Variants in SQOR observed in about 807,000 individuals in gnomAD.
SQOR encodes the protein sulfide quinone oxidoreductase, also known as sulfide:quinone oxidoreductase, mitochondrial.
A neutral mutation model predicts 48.6 loss-of-function variants in SQOR; 39 were observed. The ratio of observed to expected loss-of-function variants is 0.80; its 90% CI spans 0.62 to 1.05. The LOEUF is 1.05. Ranked by LOEUF, SQOR falls within the 50% of genes least tolerant of loss-of-function variation. The probability of loss-of-function intolerance (pLI) is 0.00; values close to 1 mark genes in which losing one functional copy is unlikely to be tolerated. For synonymous variants in SQOR, 220 were observed against 206.2 expected, an observed-to-expected ratio of 1.07 and a Z score of -0.57; for missense variants, 561 against 559.9, an observed-to-expected ratio of 1.00 and a Z score of -0.02.
chr15:45,648,606 A>C (rs1414723458), intron 1 of SQOR, among the ~76,000 whole-genome samples: 1 of 152,242 alleles, frequency 6.6e-6, no homozygotes, highest in Non-Finnish European at 1.5e-5. Flanking sequence ...AGAAAGCCCA[A>C]GTGGGAGGAT....
At chr15:45,651,794 G>C (rs1351642703) in intron 1 of SQOR, among the ~76,000 whole-genome samples, 1 of 151,798 alleles carries the variant, frequency 6.6e-6, no homozygotes, top group Non-Finnish European at 1.5e-5. Context: ...ATTTCATCTT[G>C]TAAGAATGTA....
chr15:45,643,472 G>C (rs1236021092), intron 1 of SQOR, among the ~76,000 whole-genome samples: 1 of 152,188 alleles, frequency 6.6e-6, no homozygotes, highest in African/African-American at 2.4e-5. Flanking sequence ...TGGGATTACA[G>C]GCGTGAGCCA....
chr15:45,652,638 C>CTTTTTTT lies in SQOR; in HGVS notation c.-17-6249_-17-6243dup, dbSNP rs757986564. Among the ~76,000 whole-genome samples, 7 of 60,302 alleles carry CTTTTTTT rather than the reference C, an allele frequency of 1.2e-4. 1 individual carries two copies. The highest frequency in any genetic ancestry group is 2.2e-4 in the African/African-American group (3 of 13,338). The allele number at this position is 60,302 out of a possible 152,430, so 39.6% of individuals were successfully genotyped here. ...TTTTGGTATTACAGGCGTGAGCCTC[C>CTTTTTTT]TTTTTTTTTTTTTTTTTTTTTTTTT... On this transcript the variant is annotated intron_variant, in intron 1 of 9. Transcript: ENST00000260324.
At chr15:45,677,958 C>T (rs565275141) in intron 6 of SQOR, among the ~76,000 whole-genome samples, 175 of 152,270 alleles carry the variant, frequency 1.1e-3, no homozygotes, top group Non-Finnish European at 2.0e-3. Context: ...TCCACCTGCT[C>T]GGCCTCCTGA....
At chr15:45,642,246 C>T (rs1190104156) in intron 1 of SQOR, among the ~76,000 whole-genome samples, 2 of 152,182 alleles carry the variant, frequency 1.3e-5, no homozygotes, top group African/African-American at 4.8e-5. Context: ...CAGGGCTGAG[C>T]AGGTAACAAA....
intron 3 of SQOR, among the ~76,000 whole-genome samples, chr15:45,666,731 C>T (rs1889824445): frequency 7.5e-6 from 1 of 133,970 alleles, no homozygotes; most frequent in Non-Finnish European, 1.6e-5. Flanking sequence ...TTTCCTCTCC[C>T]CTCCCCTTCC....
rs778695177 is a variant in SQOR, at chr15:45,688,320, T to C, written c.1049-17T>C. On this transcript the variant is annotated splice_polypyrimidine_tract_variant and intron_variant, in intron 7 of 9. Transcript: ENST00000260324. ...CTTGATGCTTACATTTTTCTGACTT[T>C]CCCATTTCTCTTATAGCTGCCCAGT... 2 of 1,577,162 alleles carry C rather than the reference T, an allele frequency of 1.3e-6. No homozygotes were observed. The highest frequency in any genetic ancestry group is 1.7e-6 in the Non-Finnish European group (2 of 1,163,760).
At chr15:45,682,267 C>T (rs1219959309) in intron 6 of SQOR, among the ~76,000 whole-genome samples, 2 of 152,178 alleles carry the variant, frequency 1.3e-5, no homozygotes, top group African/African-American at 2.4e-5. Context: ...GGGGAGATCA[C>T]GTCAACTGAG....
chr15:45,640,706 G>A (rs1895091226), intron 1 of SQOR, among the ~76,000 whole-genome samples: 1 of 152,204 alleles, frequency 6.6e-6, no homozygotes, highest in East Asian at 1.9e-4. Context: ...GTGAGACTCT[G>A]AGTGGAAATC....
intron 9 of SQOR, 137 bp from the exon 10 acceptor site, chr15:45,690,836 A>G: frequency 2.6e-6 from 2 of 776,224 alleles, no homozygotes; most frequent in South Asian, 3.0e-5. Flanking sequence ...GGATCTCTCC[A>G]ACTCACTAGA....
chr15:45,680,902 A>G (rs1890115690), intron 6 of SQOR, among the ~76,000 whole-genome samples: 1 of 151,908 alleles, frequency 6.6e-6, no homozygotes, highest in South Asian at 2.1e-4. Flanking sequence ...TAAGGTTTAG[A>G]CCTCAGTTCA....
In SQOR at chr15:45,678,076, C is replaced by G. The variant is rs555794406; in HGVS notation, c.864+1766C>G. On this transcript the variant is annotated intron_variant, in intron 6 of 9. Transcript: ENST00000260324. The stretch of plus-strand genomic sequence containing the variant: ...CATTCTAAGGTATCACATTTGCAAG[C>G]ATACAGTGTTCATCTGCCCTTCATT... Among the ~76,000 whole-genome samples, 32 of 152,282 alleles carry G rather than the reference C, an allele frequency of 2.1e-4. No homozygotes were observed. The South Asian group carries it at 6.0e-3, about 29-fold the overall frequency.
chr15:45,680,080 TTTTTTTC>T (rs1337309294), intron 6 of SQOR, among the ~76,000 whole-genome samples: 1 of 151,984 alleles, frequency 6.6e-6, no homozygotes, highest in East Asian at 1.9e-4. Flanking sequence ...TGTTTGTTTG[TTTTTTTC>T]TTTCTTTCTT....
rs982282808 is a variant in SQOR, at chr15:45,639,694, C to T, written c.-18+4586C>T. Among the ~76,000 whole-genome samples, 10 of 152,316 alleles carry T rather than the reference C, an allele frequency of 6.6e-5. No individual in the cohort carries two copies. In the East Asian group the frequency reaches 1.9e-3, roughly 29 times the overall value. On this transcript the variant is annotated intron_variant, in intron 1 of 9. Coordinates refer to ENST00000260324, the MANE Select transcript of SQOR (RefSeq NM_021199.4). ...GGAAAATGATGTGTTTTAACAACCA[C>T]CATGTTTGGAGTATAGATTGTGAGA... is the stretch of plus-strand genomic sequence containing the variant.
At chr15:45,679,636 G>C (rs1890091924) in intron 6 of SQOR, among the ~76,000 whole-genome samples, 1 of 152,168 alleles carries the variant, frequency 6.6e-6, no homozygotes, top group Admixed American at 6.5e-5. Flanking sequence ...GGAGGCGGAG[G>C]AACTAGAAGA....
At position 45,690,844 on chromosome 15, in the gene SQOR, A is replaced by T. The variant is rs1890310296; in HGVS notation, c.1296-129A>T. On this transcript the variant is annotated intron_variant, in intron 9 of 9. Transcript: ENST00000260324. ...AGTCATGGGATCTCTCCAACTCACTAGACAATCTTGCTTTACGTGCTGATG... is the reference window on the plus strand; with the variant it reads ...AGTCATGGGATCTCTCCAACTCACTTGACAATCTTGCTTTACGTGCTGATG... 4 of 804,302 alleles carry T rather than the reference A, an allele frequency of 5.0e-6. No homozygotes were observed. The South Asian group carries it at 5.8e-5, about 12-fold the overall frequency. 49.8% of individuals were successfully genotyped at this position (804,302 alleles called of 1,614,324 possible).
In SQOR at chr15:45,682,363, A is replaced by G. The variant is rs1208974248; in HGVS notation, c.865-115A>G. On this transcript the variant is annotated intron_variant, in intron 6 of 9. Transcript: ENST00000260324. ...GTGGACTGGTACAAGTGCTGATTGT[A>G]TAATGCTCCATGCAGCCATAGCACA... The G allele has an allele frequency of 1.5e-5, 16 of 1,086,650 alleles. No individual in the cohort carries two copies. In the South Asian group the frequency reaches 1.7e-4, roughly 11 times the overall value. 67.3% of individuals were successfully genotyped at this position (1,086,650 alleles called of 1,614,324 possible). A position where few individuals can be genotyped will look rare whatever the true frequency, so the allele number is the denominator to read the frequency against.
At chr15:45,689,410 T>G in intron 9 of SQOR, 193 bp downstream of exon 9, 1 of 436,496 alleles carries the variant, frequency 2.3e-6, no homozygotes, top group Non-Finnish European at 4.0e-6. Context: ...TATCATCTGC[T>G]ACCTTACTTT....
Position 45,676,232 on chromosome 15 carries a change from C to A in SQOR, c.786C>A (p.Asn262Lys). Residue 262 changes from asparagine (N) to lysine (K), a missense_variant, in exon 6 of 10, where the codon AAC becomes AAA. By Grantham distance (94) the Asn-to-Lys change is moderately conservative. Transcript: ENST00000260324. The stretch of plus-strand genomic sequence containing the variant: ...ACCTCACTGTTAACTACAAGAAAAA[C>A]CTCATTGAAGTCCGAGCCGATAAAC... ...ERNLTVNYKKNLIEVRADKQE... is the reference protein window; with the variant it reads ...ERNLTVNYKKKLIEVRADKQE... The A allele has an allele frequency of 6.2e-7, 1 of 1,614,072 alleles. No homozygotes were observed. The highest frequency in any genetic ancestry group is 8.5e-7 in the Non-Finnish European group (1 of 1,180,016).
Sources: gnomAD v4.1 joint callset for allele counts (sites outside exome capture counted in the v4.1 genomes callset) on GRCh38, gnomAD v4.1.1 for gene constraint, MANE v1.5 for transcripts, NCBI Gene and HGNC (gene_info 2026-07-23, HGNC 2026-07-21) for gene names.